LRIG1: variants seen among roughly 807,000 people sequenced by gnomAD.
LRIG1 encodes the protein leucine-rich repeats and immunoglobulin-like domains protein 1.
Under a neutral mutation model 99.2 loss-of-function variants are expected in LRIG1, and 48 were observed. The observed-to-expected ratio is 0.48, with a 90% CI of 0.38 to 0.62. The LOEUF is 0.62. Ranked by LOEUF, LRIG1 falls within the 20% of genes least tolerant of loss-of-function variation. The pLI is 0.00. For missense variants in LRIG1, 1,646 were observed against 1,434.4 expected (o/e 1.15, Z -2.38); for synonymous variants, 772 against 596.1 (o/e 1.29, Z -4.30).
At chr3:66,451,778 G>T (rs1703911826) in intron 2 of LRIG1, 145 bp from the exon 3 acceptor site, 1 of 631,702 alleles carries the variant, frequency 1.6e-6, no homozygotes. Flanking sequence ...GAATTTAGCA[G>T]TGAGTTTTTA....
rs1259775802 is a variant in LRIG1, at chr3:66,500,431, T to G, written c.-24A>C. 4 of 1,337,796 alleles carry G rather than the reference T, an allele frequency of 3.0e-6. No homozygotes were observed. The highest frequency in any genetic ancestry group is 1.5e-5 in the African/African-American group (1 of 65,784). The allele number at this position is 1,337,796 out of a possible 1,614,324, so 82.9% of individuals were successfully genotyped here. On this transcript the variant is annotated 5_prime_UTR_variant, in exon 1 of 19. Coordinates refer to ENST00000273261, the MANE Select transcript of LRIG1 (RefSeq NM_015541.3). ...ATCTTGTCTGGAGCGCGCTGCGAAC[T>G]CCGGGCGCGGGGACTGTGAGGACCC...
chr3:66,429,892 T>C (rs1206084086), intron 3 of LRIG1, among the ~76,000 whole-genome samples: 1 of 151,812 alleles, frequency 6.6e-6, no homozygotes, highest in East Asian at 1.9e-4. Context: ...ACAACTGCTA[T>C]AAAAGTCCAT....
At chr3:66,475,037 C>G (rs1328206436) in intron 1 of LRIG1, among the ~76,000 whole-genome samples, 1 of 152,190 alleles carries the variant, frequency 6.6e-6, no homozygotes, top group African/African-American at 2.4e-5. Context: ...ATCTTCACAT[C>G]CAAACAGAAA....
chr3:66,380,919 C>G lies in LRIG1; in HGVS notation c.2771-58G>C, dbSNP rs529200658. 7 of 1,564,702 alleles carry G rather than the reference C, an allele frequency of 4.5e-6. No homozygotes were observed. In the African/African-American group the frequency reaches 6.7e-5, roughly 15 times the overall value. Reference sequence around the variant, plus strand: ...ACTGCTGTGGGAGTCTTCGTCCCCACACAGAGGACAGGCTGCTCAGCTCCA... The same window carrying G: ...ACTGCTGTGGGAGTCTTCGTCCCCAGACAGAGGACAGGCTGCTCAGCTCCA... On this transcript the variant is annotated intron_variant, in intron 17 of 18. Transcript: ENST00000273261.
Position 66,414,996 on chromosome 3 carries a change from G to A in LRIG1, c.571C>T (p.Leu191=), listed in dbSNP as rs771249690. Residue 191 remains leucine, a synonymous_variant, in exon 5 of 19, where the codon CTA becomes TTA. Transcript: ENST00000273261. Reference sequence around the variant, plus strand: ...CTGTTTTTGCTCAGGCGAAGAGTTAGCAGCGACCGTGACAGACCATCAAAT... The same window carrying A: ...CTGTTTTTGCTCAGGCGAAGAGTTAACAGCGACCGTGACAGACCATCAAAT... ...GAFDGLSRSL[L]TLRLSKNRIT... The A allele has an allele frequency of 1.2e-6, 2 of 1,613,358 alleles. No homozygotes were observed. Among genetic ancestry groups the A allele is most frequent in the Admixed American group, 1.7e-5 (1 of 59,912 alleles).
chr3:66,453,337 A>G, intron 2 of LRIG1, among the ~76,000 whole-genome samples: 1 of 152,260 alleles, frequency 6.6e-6, no homozygotes, highest in East Asian at 1.9e-4. Context: ...CACAGCTCTA[A>G]GAGCTTTTCA....
intron 1 of LRIG1, among the ~76,000 whole-genome samples, chr3:66,497,704 CAAAAAAAAAAA>C (rs71616223): frequency 5.6e-5 from 5 of 89,266 alleles, no homozygotes; most frequent in African/African-American, 9.5e-5. Context: ...GCACTGTTTA[CAAAAAAAAAAA>C]AAAAAAAAAA....
At chr3:66,489,095 T>C (rs145519998) in intron 1 of LRIG1, among the ~76,000 whole-genome samples, 110 of 152,354 alleles carry the variant, frequency 7.2e-4, no homozygotes, top group African/African-American at 2.5e-3. Flanking sequence ...AAAGCACCAC[T>C]TTCTTTGTGG....
intron 11 of LRIG1, among the ~76,000 whole-genome samples, chr3:66,394,823 G>T (rs1459758975): frequency 6.6e-6 from 1 of 152,110 alleles, no homozygotes; most frequent in Non-Finnish European, 1.5e-5. Context: ...CCTCTTGTTT[G>T]TGCCTTGATC....
intron 3 of LRIG1, among the ~76,000 whole-genome samples, chr3:66,429,023 C>T (rs1299299028): frequency 3.5e-4 from 53 of 152,316 alleles, no homozygotes; most frequent in Middle Eastern, 6.8e-3. Flanking sequence ...GATAAACAGC[C>T]TCCGCCAGGC....
intron 13 of LRIG1, 59 bp downstream of exon 13, chr3:66,385,922 G>T: frequency 2.1e-6 from 3 of 1,453,172 alleles, no homozygotes; most frequent in Non-Finnish European, 2.9e-6. Context: ...AGCTGAAAGG[G>T]CAATCAGGAG....
intron 8 of LRIG1, chr3:66,405,802 G>T (rs999398292): frequency 3.6e-5 from 43 of 1,179,806 alleles, no homozygotes; most frequent in Non-Finnish European, 4.4e-5. Flanking sequence ...AGGCCTGCAG[G>T]GCGCTGACTC....
chr3:66,405,176 G>T, intron 9 of LRIG1, 22 bp downstream of exon 9: 2 of 1,610,442 alleles, frequency 1.2e-6, no homozygotes, highest in South Asian at 1.1e-5. Flanking sequence ...TGCCGGCGGA[G>T]CTCCGTGCGG....
rs1258529276 is a variant in LRIG1 at position 66,405,886 on chromosome 3, CT to C, written c.1080-609del. 4 of 1,067,162 alleles carry C rather than the reference CT, an allele frequency of 3.7e-6. No homozygotes were observed. In the African/African-American group the frequency reaches 6.8e-5, roughly 18 times the overall value. 66.1% of individuals were successfully genotyped at this position (1,067,162 alleles called of 1,614,324 possible). ...GCCAGGATCAGAGGGATGAGGCCAA[CT>C]CAGCCCAGGCCCCTCCAACAATGCA... On this transcript the variant is annotated intron_variant, in intron 8 of 18. Coordinates refer to ENST00000273261, the MANE Select transcript of LRIG1 (RefSeq NM_015541.3).
At chr3:66,429,269 G>A (rs148889577) in intron 3 of LRIG1, among the ~76,000 whole-genome samples, 4 of 152,234 alleles carry the variant, frequency 2.6e-5, no homozygotes, top group East Asian at 3.9e-4. Context: ...TGAAAGCCCC[G>A]GATCCCTGAA....
At chr3:66,450,352 A>G (rs1338227874) in intron 3 of LRIG1, among the ~76,000 whole-genome samples, 1 of 152,172 alleles carries the variant, frequency 6.6e-6, no homozygotes, top group East Asian at 1.9e-4. Flanking sequence ...TGGGAGCTTC[A>G]TATACATTCC....
chr3:66,396,743 G>A (rs1701866161), intron 11 of LRIG1, among the ~76,000 whole-genome samples: 1 of 152,174 alleles, frequency 6.6e-6, no homozygotes, highest in African/African-American at 2.4e-5. Context: ...ATTGAATCAG[G>A]TATTTTTCAG....
chr3:66,410,282 C>T lies in LRIG1; in HGVS notation c.792-10G>A. 3 of 1,592,018 alleles carry T rather than the reference C, an allele frequency of 1.9e-6. No homozygotes were observed. The highest frequency in any genetic ancestry group is 2.6e-6 in the Non-Finnish European group (3 of 1,169,444). On this transcript the variant is annotated splice_polypyrimidine_tract_variant and intron_variant, in intron 6 of 18. Transcript: ENST00000273261. Reference sequence around the variant, plus strand: ...GTTGTACTCCAGGTGCCTGCAATGACAGCCATGCACAGGATGAAGAGGAGC... The same window carrying T: ...GTTGTACTCCAGGTGCCTGCAATGATAGCCATGCACAGGATGAAGAGGAGC...
intron 1 of LRIG1, among the ~76,000 whole-genome samples, chr3:66,493,686 C>T (rs1486277458): frequency 6.6e-6 from 1 of 152,128 alleles, no homozygotes; most frequent in Non-Finnish European, 1.5e-5. Flanking sequence ...GTCTCAGCTA[C>T]TCAGGCAACT....
Sources: allele counts gnomAD v4.1 joint callset (sites outside exome capture counted in the v4.1 genomes callset), GRCh38; gene constraint gnomAD v4.1.1; transcripts MANE v1.5; gene names NCBI Gene and HGNC (gene_info 2026-07-23, HGNC 2026-07-21).